The following GMNC variants were observed in gnomAD, a reference collection of about 807,000 sequenced individuals.
GMNC encodes the protein geminin coiled-coil domain containing.
Under a neutral mutation model 33.6 loss-of-function variants are expected in GMNC, and 16 were observed. The observed-to-expected ratio is 0.48, with a 90% CI of 0.32 to 0.72. GMNC has a LOEUF of 0.72. GMNC is among the 30% of genes least tolerant of loss of function. GMNC has a pLI of 0.03. For synonymous variants in GMNC, 156 were observed against 147.3 expected, an observed-to-expected ratio of 1.06 and a Z score of -0.43; for missense variants, 393 against 388.9, an observed-to-expected ratio of 1.01 and a Z score of -0.09.
rs13080371 is a variant in GMNC at position 190,861,145 on chromosome 3, G to C, written c.4-287C>G. ...AAATTTGTACATATCCAGGAGGATT[G>C]TCTGTTGCAACGACCAGCCCATCTA... On this transcript the variant is annotated intron_variant, in intron 1 of 4. Transcript: ENST00000442080. This position sits in a 1 kb window ranked among gnomAD's most constrained non-coding sequence, Gnocchi z 5.1. Among the ~76,000 whole-genome samples the C allele has an allele frequency of 0.3, 45,869 of 151,916 alleles. 7,320 individuals are homozygous for C. Among genetic ancestry groups the C allele is most frequent in the African/African-American group, 0.4 (16,369 of 41,390 alleles).
intron 2 of GMNC, among the ~76,000 whole-genome samples, chr3:190,859,280 T>C (rs1197885622): frequency 6.6e-6 from 1 of 152,216 alleles, no homozygotes; most frequent in African/African-American, 2.4e-5. Context: ...TTGCCTAATA[T>C]ATGTATTCCT....
chr3:190,857,617 A>T (rs1262981914), intron 4 of GMNC, among the ~76,000 whole-genome samples, 166 bp downstream of exon 4: 1 of 152,176 alleles, frequency 6.6e-6, no homozygotes, highest in Non-Finnish European at 1.5e-5. Flanking sequence ...CAGAGAAATG[A>T]TAGATAAAAA....
At chr3:190,845,093 A>G in the GMNC span, among the ~76,000 whole-genome samples, 2 of 152,192 alleles carry the variant, frequency 1.3e-5, no homozygotes, top group Non-Finnish European at 2.9e-5. Flanking sequence ...GAGCTTAGAA[A>G]AAATTAGGTG....
rs1303363407 is a variant in GMNC at position 190,854,338 on chromosome 3, CA to C, written c.*956del. 6.6e-6 allele frequency: 1 copy of C among 152,174 alleles called. No individual in the cohort carries two copies. 9.4% of individuals were successfully genotyped at this position (152,174 alleles called of 1,614,324 possible). On this transcript the variant is annotated 3_prime_UTR_variant, in exon 5 of 5. Transcript: ENST00000442080. ...TAAATTGCTTGTATTTTATCACCAT[CA>C]CATAGCATAGTGCCTGGTACAAAGT...
rs1577913538 is a variant in GMNC at position 190,860,878 on chromosome 3, G to GA, written c.4-21_4-20insT. ...GGTGTTCTGTGAAATTCAGTATGGG[G>GA]GGAGTGAGGGGTCCCAAAAGATGGG... On this transcript the variant is annotated intron_variant, in intron 1 of 4. Coordinates refer to ENST00000442080, the MANE Select transcript of GMNC (RefSeq NM_001146686.3). 2.0e-6 allele frequency: 3 copies of GA among 1,516,200 alleles called. No homozygotes were observed. The highest frequency in any genetic ancestry group is 1.3e-5 in the South Asian group (1 of 79,842). The allele number at this position is 1,516,200 out of a possible 1,614,324, so 93.9% of individuals were successfully genotyped here. A position where few individuals can be genotyped will look rare whatever the true frequency, so the allele number is the denominator to read the frequency against.
the GMNC span, among the ~76,000 whole-genome samples, chr3:190,844,913 T>C: frequency 6.6e-6 from 1 of 152,190 alleles, no homozygotes; most frequent in Non-Finnish European, 1.5e-5. Context: ...TTATCTGCAA[T>C]ATGTAGGAGA....
chr3:190,858,873 T>C, intron 3 of GMNC, 55 bp downstream of exon 3: 2 of 1,009,010 alleles, frequency 2.0e-6, no homozygotes, highest in Non-Finnish European at 3.0e-6. Context: ...ATATTAGCAG[T>C]GGGGAATGGA....
rs776049430 is a variant in GMNC at position 190,854,928 on chromosome 3, T to C, written c.*367A>G. On this transcript the variant is annotated 3_prime_UTR_variant, in exon 5 of 5. Transcript: ENST00000442080. Reference sequence around the variant, plus strand: ...GGGAGAAAAGTAAAAGGGCTGTGAATATTTCAACTACTTAAAAGAGGAAAA... The same window carrying C: ...GGGAGAAAAGTAAAAGGGCTGTGAACATTTCAACTACTTAAAAGAGGAAAA... 1.0e-4 allele frequency: 20 copies of C among 194,380 alleles called. No homozygotes were observed. Among genetic ancestry groups the C allele is most frequent in the Non-Finnish European group, 1.8e-4 (17 of 92,320 alleles). The allele number at this position is 194,380 out of a possible 1,614,324, so 12.0% of individuals were successfully genotyped here. A position where few individuals can be genotyped will look rare whatever the true frequency, so the allele number is the denominator to read the frequency against.
rs1356735069 is a variant in GMNC at position 190,855,587 on chromosome 3, C to T, written c.713G>A (p.Arg238Lys). Residue 238 changes from arginine (R) to lysine (K), a missense_variant, in exon 5 of 5, where the codon AGA (arginine) becomes AAA (lysine). Transcript: ENST00000442080. ...TCTATAGTCAATTGGCATATCCTCTCTGGGGATATTTTTATAATCAACTGC... is the reference window on the plus strand; with the variant it reads ...TCTATAGTCAATTGGCATATCCTCTTTGGGGATATTTTTATAATCAACTGC... ...DDAVDYKNIPREDMPIDYRGD... is the reference protein window; with the variant it reads ...DDAVDYKNIPKEDMPIDYRGD... The T allele has an allele frequency of 1.3e-6, 2 of 1,551,300 alleles. No homozygotes were observed. The highest frequency in any genetic ancestry group is 2.4e-5 in the South Asian group (2 of 84,052).
intron 1 of GMNC, 99 bp from the exon 2 acceptor site, chr3:190,860,957 A>T (rs1737851802): frequency 3.9e-6 from 3 of 773,896 alleles, no homozygotes; most frequent in Admixed American, 5.7e-5. Context: ...AATTACATGC[A>T]GTGAAATATA....
rs550776078 is a variant in GMNC, at chr3:190,855,981, G to GA, written c.385-67dup. The GA allele has an allele frequency of 2.0e-5, 24 of 1,214,048 alleles. No individual in the cohort carries two copies. The African/African-American group carries it at 3.5e-4, about 18-fold the overall frequency. The allele number at this position is 1,214,048 out of a possible 1,614,324, so 75.2% of individuals were successfully genotyped here. ...TTTACTAGTTAACTAAATTATTTCGGAAAAAATGCTTAAATTTCTCTTCAC... is the reference window on the plus strand; with the variant it reads ...TTTACTAGTTAACTAAATTATTTCGGAAAAAAATGCTTAAATTTCTCTTCAC... On this transcript the variant is annotated intron_variant, in intron 4 of 4. Coordinates refer to ENST00000442080, the MANE Select transcript of GMNC (RefSeq NM_001146686.3).
Position 190,855,724 on chromosome 3 carries a change from T to C in GMNC, c.576A>G (p.Thr192=). ...TAGTGTCAAGGTCTTTTAACCCAAG[T>C]GTTTGAAGGACCCAGGGATCCACAG... ...GPPVDPWVLQ[T]LGLKDLDTID... The change falls in exon 5 of 5, where the codon ACA becomes ACG. Residue 192 remains threonine, a synonymous_variant. Coordinates refer to ENST00000442080, the MANE Select transcript of GMNC (RefSeq NM_001146686.3). 6.4e-7 allele frequency: 1 copy of C among 1,551,466 alleles called. No individual in the cohort carries two copies. The highest frequency in any genetic ancestry group is 8.7e-7 in the Non-Finnish European group (1 of 1,146,814).
intron 4 of GMNC, among the ~76,000 whole-genome samples, chr3:190,856,773 A>G (rs928794394): frequency 6.6e-6 from 1 of 151,690 alleles, no homozygotes; most frequent in Admixed American, 6.6e-5. Context: ...CACTTCTGAG[A>G]TATATTATTA....
chr3:190,860,847 C>T lies in GMNC; in HGVS notation c.15G>A (p.Leu5=). The part of the protein sequence containing the change: MNTI[L]PCQDQYFVGG... The stretch of plus-strand genomic sequence containing the variant: ...CTACAAAGTACTGGTCTTGGCAAGG[C>T]AGAATGGTGTTCTGTGAAATTCAGT... Residue 5 remains leucine (L), a synonymous_variant, in exon 2 of 5, where the codon CTG becomes CTA. Coordinates refer to ENST00000442080, the MANE Select transcript of GMNC (RefSeq NM_001146686.3). 1 of 1,546,310 alleles carries T rather than the reference C, an allele frequency of 6.5e-7. No homozygotes were observed. Among genetic ancestry groups the T allele is most frequent in the Non-Finnish European group, 8.7e-7 (1 of 1,144,322 alleles).
At chr3:190,851,353 G>T (rs1737630618), downstream of GMNC, among the ~76,000 whole-genome samples, 1 of 152,112 alleles carries the variant, frequency 6.6e-6, no homozygotes, top group South Asian at 2.1e-4. Flanking sequence ...TCATGCTTTT[G>T]TAAGGTGAGT....
At chr3:190,859,384 T>TGTA (rs1737814659) in intron 2 of GMNC, among the ~76,000 whole-genome samples, 2 of 152,160 alleles carry the variant, frequency 1.3e-5, no homozygotes, top group African/African-American at 4.8e-5. Context: ...GTAATTCCAT[T>TGTA]ATGTTTTTCT....
At chr3:190,849,097 C>T (rs1577907582), downstream of GMNC, among the ~76,000 whole-genome samples, 1 of 152,184 alleles carries the variant, frequency 6.6e-6, no homozygotes. Flanking sequence ...CCCAAGAAAC[C>T]TGATTCATCC....
intron 4 of GMNC, among the ~76,000 whole-genome samples, chr3:190,856,865 C>CA (rs1490048890): frequency 4.0e-5 from 6 of 151,516 alleles, no homozygotes; most frequent in African/African-American, 1.5e-4. Flanking sequence ...TAATAAGTGT[C>CA]CTTTTATGGA....
chr3:190,843,715 A>G, the GMNC span, among the ~76,000 whole-genome samples: 8 of 152,296 alleles, frequency 5.3e-5, no homozygotes, highest in Admixed American at 2.0e-4. Flanking sequence ...GTATTCAACC[A>G]TTGTGTATTA....
Sources: gnomAD v4.1 joint callset for allele counts (sites outside exome capture counted in the v4.1 genomes callset) on GRCh38, gnomAD v4.1.1 for gene constraint, Gnocchi (gnomAD v3.1) non-coding constraint, MANE v1.5 for transcripts, NCBI Gene and HGNC (gene_info 2026-07-23, HGNC 2026-07-21) for gene names.